Variants in HS1BP3 observed in about 807,000 individuals in gnomAD.
HS1BP3 encodes HCLS1-binding protein 3.
A neutral mutation model predicts 33.5 loss-of-function variants in HS1BP3; 32 were observed. That is an observed-to-expected ratio of 0.95 (90% CI 0.72 to 1.28). The LOEUF is 1.28. HS1BP3 is among the 50% of genes most tolerant of loss of function. The pLI is 0.00. For missense variants in HS1BP3, 486 were observed against 502.3 expected (o/e 0.97, Z 0.31); for synonymous variants, 187 against 209.2 (o/e 0.89, Z 0.92).
intron 5 of HS1BP3, among the ~76,000 whole-genome samples, chr2:20,574,641 C>A (rs1357628168): frequency 6.6e-6 from 1 of 152,144 alleles, no homozygotes; most frequent in Non-Finnish European, 1.5e-5. Context: ...TGGTCAGCCT[C>A]GGTGGATGAG....
downstream of HS1BP3, among the ~76,000 whole-genome samples, chr2:20,589,811 G>A (rs1490619520): frequency 6.6e-6 from 1 of 152,122 alleles, no homozygotes; most frequent in East Asian, 1.9e-4. Context: ...ACAGCTGGTG[G>A]AGGGAGACTC....
chr2:20,646,065 G>A (rs1695511317), intron 1 of HS1BP3, among the ~76,000 whole-genome samples: 1 of 152,220 alleles, frequency 6.6e-6, no homozygotes, highest in Non-Finnish European at 1.5e-5. Context: ...GCCCCTCGAG[G>A]TGTAGAGAGG....
chr2:20,629,896 G>T (rs1407545925), intron 4 of HS1BP3, among the ~76,000 whole-genome samples: 2 of 152,228 alleles, frequency 1.3e-5, no homozygotes, highest in Non-Finnish European at 2.9e-5. Context: ...TGTGGCTCAG[G>T]CAGTTCTGGT....
At position 20,626,100 on chromosome 2, in the gene HS1BP3, C is replaced by T. The variant is rs192995597; in HGVS notation, c.624-1208G>A. ...CTGAGCTCATGTTGGTAACACGCTG[C>T]GGCAAAACTGCACCGAGAGGCTGGC... On this transcript the variant is annotated intron_variant, in intron 4 of 6. Transcript: ENST00000304031. Among the ~76,000 whole-genome samples, 69 of 152,184 alleles carry T rather than the reference C, an allele frequency of 4.5e-4. 1 individual carries two copies. Among genetic ancestry groups the T allele is most frequent in the African/African-American group, 1.6e-3 (66 of 41,532 alleles).
In HS1BP3 at chr2:20,651,057, A is replaced by C; in HGVS notation, c.7T>G (p.Ser3Ala). 3.2e-6 allele frequency: 4 copies of C among 1,237,446 alleles called. No homozygotes were observed. Among genetic ancestry groups the C allele is most frequent in the Non-Finnish European group, 3.0e-6 (3 of 991,092 alleles). The allele number at this position is 1,237,446 out of a possible 1,614,324, so 76.7% of individuals were successfully genotyped here. A position where few individuals can be genotyped will look rare whatever the true frequency, so the allele number is the denominator to read the frequency against. ...CTGGAGGTGACGAGCACCGCCGGGG[A>C]CTGCATGACGGCGGCGGGGACTCCG... MQ[S>A]PAVLVTSRRL... is the part of the protein sequence containing the mutation. Residue 3 changes from serine to alanine, a missense_variant, in exon 1 of 7, where the codon TCC (serine) becomes GCC (alanine). Coordinates refer to ENST00000304031, the MANE Select transcript of HS1BP3 (RefSeq NM_022460.4).
intron 4 of HS1BP3, among the ~76,000 whole-genome samples, chr2:20,631,334 T>A (rs1179201836): frequency 6.6e-6 from 1 of 151,508 alleles, no homozygotes; most frequent in Admixed American, 6.6e-5. Flanking sequence ...GGCAACATAG[T>A]GAAACCTCAT....
In HS1BP3 at chr2:20,618,837, G is replaced by C; in HGVS notation, c.*150C>G. On this transcript the variant is annotated 3_prime_UTR_variant, in exon 7 of 7. Coordinates refer to ENST00000304031, the MANE Select transcript of HS1BP3 (RefSeq NM_022460.4). ...TGGCCCCACAGCCCCGGAGAAAATG[G>C]AACCATGCAGTTCTGGGTGCTGTGA... 7.0e-7 allele frequency: 1 copy of C among 1,427,550 alleles called. No individual in the cohort carries two copies. Among genetic ancestry groups the C allele is most frequent in the Non-Finnish European group, 9.1e-7 (1 of 1,094,822 alleles). The allele number at this position is 1,427,550 out of a possible 1,614,324, so 88.4% of individuals were successfully genotyped here.
chr2:20,573,812 C>G (rs1345918300), intron 5 of HS1BP3, among the ~76,000 whole-genome samples: 1 of 152,214 alleles, frequency 6.6e-6, no homozygotes, highest in Non-Finnish European at 1.5e-5. Flanking sequence ...TTCATCGGTG[C>G]TGACCTCGAG....
chr2:20,592,100 C>T (rs1301498153), downstream of HS1BP3, among the ~76,000 whole-genome samples: 1 of 152,110 alleles, frequency 6.6e-6, no homozygotes, highest in Non-Finnish European at 1.5e-5. Flanking sequence ...GGACACCTCC[C>T]TTGGTCACAC....
At chr2:20,600,228 T>C (rs796949001) in intron 2 of HS1BP3, among the ~76,000 whole-genome samples, 12 of 152,312 alleles carry the variant, frequency 7.9e-5, no homozygotes, top group African/African-American at 2.9e-4. Flanking sequence ...TTAGGGACAC[T>C]GGCCCAGTGA....
At chr2:20,554,706 CAAAAAA>C in the HS1BP3 span, among the ~76,000 whole-genome samples, 1 of 104,560 alleles carries the variant, frequency 9.6e-6, no homozygotes, top group Non-Finnish European at 2.1e-5. Flanking sequence ...CTCCACCTCA[CAAAAAA>C]AAAAAAAAAA....
chr2:20,573,223 C>T (rs554997825), intron 5 of HS1BP3, among the ~76,000 whole-genome samples: 4 of 152,200 alleles, frequency 2.6e-5, no homozygotes, highest in South Asian at 2.1e-4. Flanking sequence ...TCTACATGCC[C>T]GGAGCCTCCA....
intron 5 of HS1BP3, among the ~76,000 whole-genome samples, chr2:20,581,360 T>A (rs1288868192): frequency 6.6e-6 from 1 of 152,254 alleles, no homozygotes; most frequent in African/African-American, 2.4e-5. Context: ...CTTTTTCTTT[T>A]CTTTTTTGAG....
chr2:20,589,000 G>A (rs1209118153), downstream of HS1BP3, among the ~76,000 whole-genome samples: 1 of 152,208 alleles, frequency 6.6e-6, no homozygotes, highest in Non-Finnish European at 1.5e-5. Flanking sequence ...AGTCGGCAGG[G>A]CTGGGCCCAA....
intron 4 of HS1BP3, 60 bp downstream of exon 4, chr2:20,638,376 C>A (rs555269318): frequency 5.3e-5 from 79 of 1,485,976 alleles, no homozygotes; most frequent in Non-Finnish European, 6.6e-5. Flanking sequence ...GGAAGGGGGA[C>A]GTCATCTCCA....
rs11891547 is a variant in HS1BP3 at position 20,631,841 on chromosome 2, C to A, written c.623+6595G>T. Among the ~76,000 whole-genome samples, 3 of 152,224 alleles carry A rather than the reference C, an allele frequency of 2.0e-5. No individual in the cohort carries two copies. In the East Asian group the frequency reaches 5.8e-4, roughly 29 times the overall value. On this transcript the variant is annotated intron_variant, in intron 4 of 6. Transcript: ENST00000304031. Reference sequence around the variant, plus strand: ...TCTGCAGCCTACATTCTACAGCAAGCGCCCAGTACCCCCAAGAGCCTGAAT... The same window carrying A: ...TCTGCAGCCTACATTCTACAGCAAGAGCCCAGTACCCCCAAGAGCCTGAAT...
At chr2:20,570,079 C>T (rs1693229364) in intron 5 of HS1BP3, among the ~76,000 whole-genome samples, 1 of 152,198 alleles carries the variant, frequency 6.6e-6, no homozygotes, top group South Asian at 2.1e-4. Context: ...AATCAGTCTA[C>T]TCCCCTAACC....
At chr2:20,569,174 C>T (rs1693206561) in intron 5 of HS1BP3, among the ~76,000 whole-genome samples, 1 of 152,166 alleles carries the variant, frequency 6.6e-6, no homozygotes. Flanking sequence ...AAGGGAGGCC[C>T]ATGTCCCACC....
downstream of HS1BP3, among the ~76,000 whole-genome samples, chr2:20,557,831 G>C (rs1263693332): frequency 6.6e-6 from 1 of 152,228 alleles, no homozygotes; most frequent in Non-Finnish European, 1.5e-5. Context: ...TGCCAAGATG[G>C]TGTGGGTTTA....
Sources: gnomAD v4.1 joint callset for allele counts (sites outside exome capture counted in the v4.1 genomes callset) on GRCh38, gnomAD v4.1.1 for gene constraint, MANE v1.5 for transcripts, NCBI Gene and HGNC (gene_info 2026-07-23, HGNC 2026-07-21) for gene names.